Variants in UNKL observed in about 807,000 individuals in gnomAD.
UNKL encodes putative E3 ubiquitin-protein ligase UNKL.
UNKL carries 60 observed loss-of-function variants against 78.0 expected under a neutral mutation model. The ratio of observed to expected loss-of-function variants is 0.77; its 90% confidence interval spans 0.63 to 0.95. The LOEUF is 0.95. Ranked by LOEUF, UNKL falls within the 40% of genes least tolerant of loss-of-function variation. The pLI, the probability that UNKL is intolerant of heterozygous loss-of-function variation, is 0.00. For synonymous variants in UNKL, 608 were observed against 474.8 expected (o/e 1.28, Z -3.65); for missense variants, 1,159 against 1,045.7 (o/e 1.11, Z -1.49).
Position 1,367,735 on chromosome 16 carries a change from A to G in UNKL, c.1709T>C (p.Leu570Pro). The G allele has an allele frequency of 1.9e-6, 3 of 1,578,254 alleles. No individual in the cohort carries two copies. Among genetic ancestry groups the G allele is most frequent in the South Asian group, 1.2e-5 (1 of 85,692 alleles). Reference sequence around the variant, plus strand: ...GTCCAGCTGCCGCCTGACCCGGGCCAGCTCAGCTCCGTTTGGACTTGCACT... The same window carrying G: ...GTCCAGCTGCCGCCTGACCCGGGCCGGCTCAGCTCCGTTTGGACTTGCACT... ...SSSASPNGAE[L>P]ARVRRQLDEA... Residue 570 changes from leucine (L) to proline (P), a missense_variant, in exon 13 of 15, where the codon CTG becomes CCG. Leu to Pro is a moderately conservative substitution (Grantham distance 98). Transcript: ENST00000389221.
chr16:1,398,206 T>C (rs1042244478), intron 5 of UNKL: 3 of 652,128 alleles, frequency 4.6e-6, no homozygotes, highest in Non-Finnish European at 3.8e-6. Flanking sequence ...AAATTACCTA[T>C]GTTCCTACTG....
chr16:1,396,778 A>C (rs2037284441), intron 6 of UNKL, among the ~76,000 whole-genome samples: 1 of 151,858 alleles, frequency 6.6e-6, no homozygotes, highest in Non-Finnish European at 1.5e-5. Context: ...CATTTTTAGT[A>C]GAAACGGGGT....
In UNKL at chr16:1,385,367, C is replaced by A; in HGVS notation, c.1105G>T (p.Ala369Ser). Residue 369 changes from alanine (A) to serine (S), a missense_variant, in exon 10 of 15, where the codon GCA becomes TCA. Coordinates refer to ENST00000389221, the MANE Select transcript of UNKL (RefSeq NM_001372107.1). Reference protein sequence around the residue: ...DSKQNHLAVFAAVHPPAPSVS... With the variant: ...DSKQNHLAVFSAVHPPAPSVS... ...CTGGGGGCCGGCGGGTGGACCGCTG[C>A]AAACACGGCCAGGTGGTTCTGTTCA... is the stretch of plus-strand genomic sequence containing the variant. The A allele has an allele frequency of 1.4e-6, 2 of 1,405,142 alleles. No homozygotes were observed. The highest frequency in any genetic ancestry group is 1.8e-6 in the Non-Finnish European group (2 of 1,082,340). The allele number at this position is 1,405,142 out of a possible 1,614,324, so 87.0% of individuals were successfully genotyped here.
At position 1,414,633 on chromosome 16, in the gene UNKL, T is replaced by C. The variant is rs1475998841; in HGVS notation, c.59A>G (p.Glu20Gly). 1.8e-6 allele frequency: 2 copies of C among 1,116,056 alleles called. No individual in the cohort carries two copies. Among genetic ancestry groups the C allele is most frequent in the Non-Finnish European group, 2.2e-6 (2 of 905,678 alleles). 69.1% of individuals were successfully genotyped at this position (1,116,056 alleles called of 1,614,324 possible). A position where few individuals can be genotyped will look rare whatever the true frequency, so the allele number is the denominator to read the frequency against. ...CGCTGACCTGTAGTGGGTCGGCTTC[T>C]CAGTCTGCGGGGGGGACCCGCTCAG... ...AALSGSPPQTEKPTHYRYLKE... is the reference protein window; with the variant it reads ...AALSGSPPQTGKPTHYRYLKE... The change falls in exon 1 of 15, where the codon GAG becomes GGG. Residue 20 changes from glutamate to glycine, a missense_variant. Physicochemically the swap from Glu to Gly is moderately conservative, Grantham distance 98 (BLOSUM62 -2). Coordinates refer to ENST00000389221, the MANE Select transcript of UNKL (RefSeq NM_001372107.1).
At position 1,399,167 on chromosome 16, in the gene UNKL, G is replaced by T. The variant is rs569023162; in HGVS notation, c.734+207C>A. 1 of 1,110,410 alleles carries T rather than the reference G, an allele frequency of 9.0e-7. No homozygotes were observed. The highest frequency in any genetic ancestry group is 1.6e-5 in the African/African-American group (1 of 63,192). 68.8% of individuals were successfully genotyped at this position (1,110,410 alleles called of 1,614,324 possible). ...GACTGCATGGGAGACACTGAGCGTAGGTGGGGAGGCCCATCCCCAGGACAG... is the reference window on the plus strand; with the variant it reads ...GACTGCATGGGAGACACTGAGCGTATGTGGGGAGGCCCATCCCCAGGACAG... On this transcript the variant is annotated intron_variant, in intron 5 of 14. Coordinates refer to ENST00000389221, the MANE Select transcript of UNKL (RefSeq NM_001372107.1). This position sits in a 1 kb window ranked among gnomAD's most constrained non-coding sequence, Gnocchi z 5.8.
At chr16:1,396,600 C>T (rs573692698) in intron 6 of UNKL, among the ~76,000 whole-genome samples, 141 of 151,680 alleles carry the variant, frequency 9.3e-4, no homozygotes, top group African/African-American at 3.3e-3. Flanking sequence ...TTTTCTTTTT[C>T]TTTTTTTTCC....
At chr16:1,405,845 G>C (rs2037733965) in intron 2 of UNKL, 1 of 436,354 alleles carries the variant, frequency 2.3e-6, no homozygotes, top group Non-Finnish European at 4.7e-6. Flanking sequence ...CGAGACCAGA[G>C]GATAGGAGGC....
rs1596621538 is a variant in UNKL, at chr16:1,364,332, A to G, written c.*1908T>C. 2 of 152,324 alleles carry G rather than the reference A, an allele frequency of 1.3e-5. No individual in the cohort carries two copies. The highest frequency in any genetic ancestry group is 2.9e-5 in the Non-Finnish European group (2 of 68,022). The allele number at this position is 152,324 out of a possible 1,614,324, so 9.4% of individuals were successfully genotyped here. A position where few individuals can be genotyped will look rare whatever the true frequency, so the allele number is the denominator to read the frequency against. On this transcript the variant is annotated 3_prime_UTR_variant, in exon 15 of 15. Transcript: ENST00000389221. Reference sequence around the variant, plus strand: ...TTAAACCACCTACTATATTAAATACATTCTAATTTGGTCACTGATGATAAA... The same window carrying G: ...TTAAACCACCTACTATATTAAATACGTTCTAATTTGGTCACTGATGATAAA...
intron 4 of UNKL, among the ~76,000 whole-genome samples, chr16:1,401,130 T>C (rs2037506333): frequency 6.6e-6 from 1 of 152,196 alleles, no homozygotes; most frequent in African/African-American, 2.4e-5. Flanking sequence ...TGAAAGCTGC[T>C]GTCTAGAGCA....
intron 2 of UNKL, chr16:1,407,398 C>CAAACAGA (rs2037816192): frequency 6.6e-6 from 1 of 151,990 alleles, no homozygotes; most frequent in South Asian, 2.1e-4. Flanking sequence ...CAGGTGACAC[C>CAAACAGA]GCCAAACAGA....
In UNKL at chr16:1,367,644, C is replaced by A. The variant is rs773643932; in HGVS notation, c.1788+12G>T. On this transcript the variant is annotated intron_variant, in intron 13 of 14. Transcript: ENST00000389221. ...CCTCCCCCTCACCTGTCTGGCCCCC[C>A]CACACACTCACCTGCTTCACCTGCT... The A allele has an allele frequency of 5.2e-6, 8 of 1,544,912 alleles. No individual in the cohort carries two copies. In the East Asian group the frequency reaches 1.3e-4, roughly 25 times the overall value.
intron 8 of UNKL, among the ~76,000 whole-genome samples, chr16:1,391,680 ATTTCT>A (rs1379672653): frequency 4.0e-5 from 6 of 150,514 alleles, no homozygotes; most frequent in South Asian, 2.1e-4. Flanking sequence ...CCTGAGTTCC[ATTTCT>A]TTTCTTTTCA....
At position 1,387,765 on chromosome 16, in the gene UNKL, C is replaced by T. The variant is rs558579393; in HGVS notation, c.1087-2380G>A. 2.0e-5 allele frequency among the ~76,000 whole-genome samples: 3 copies of T among 151,918 alleles called. No homozygotes were observed. The highest frequency in any genetic ancestry group is 2.0e-4 in the East Asian group (1 of 5,128). ...CCCTCCGGGGACGTGGACACTGCAC[C>T]GCCGCACGGCTGCCCGGCCTGCGGA... On this transcript the variant is annotated intron_variant, in intron 9 of 14. Transcript: ENST00000389221. This position sits in a 1 kb window ranked among gnomAD's most constrained non-coding sequence, Gnocchi z 4.1.
At chr16:1,400,364 G>C (rs1384011326) in intron 4 of UNKL, among the ~76,000 whole-genome samples, 4 of 132,608 alleles carry the variant, frequency 3.0e-5, no homozygotes, top group African/African-American at 1.1e-4. Context: ...GTTGCAGTGA[G>C]CTGAGATTGT....
At chr16:1,393,048 C>T in intron 7 of UNKL, 72 bp from the exon 8 acceptor site, 1 of 1,463,114 alleles carries the variant, frequency 6.8e-7, no homozygotes, top group Non-Finnish European at 9.4e-7. Flanking sequence ...AGTCTCCGCA[C>T]CACACGTCAG....
chr16:1,367,888 G>A (rs367962006), intron 12 of UNKL, 30 bp from the exon 13 acceptor site: 438 of 1,525,734 alleles, frequency 2.9e-4, no homozygotes, highest in Non-Finnish European at 3.7e-4. Context: ...TGACGGCCCA[G>A]CCCTGCTGTG....
At chr16:1,396,525 C>T (rs983065399) in intron 6 of UNKL, among the ~76,000 whole-genome samples, 2 of 151,812 alleles carry the variant, frequency 1.3e-5, no homozygotes, top group Admixed American at 1.3e-4. Flanking sequence ...ATTTGCCCGC[C>T]TCTGCCTCCC....
intron 14 of UNKL, among the ~76,000 whole-genome samples, 191 bp from the exon 15 acceptor site, chr16:1,366,586 C>G (rs899804801): frequency 1.3e-5 from 2 of 152,186 alleles, no homozygotes; most frequent in Non-Finnish European, 2.9e-5. Context: ...AGGGGGTATG[C>G]TCTGTCTTAA....
Position 1,401,631 on chromosome 16 carries a change from G to T in UNKL, c.535C>A (p.Pro179Thr). ...ATGGCCTGGCTGGCCAAGACCCCAG[G>T]CTGCAGATCCGGGACCCCTTCCCCG... ...GGGEGVPDLQPGVLASQAMIE... is the reference protein window; with the variant it reads ...GGGEGVPDLQTGVLASQAMIE... Residue 179 changes from proline (P) to threonine (T), a missense_variant, in exon 4 of 15, where the codon CCT becomes ACT. Physicochemically the swap from Pro to Thr is conservative, Grantham distance 38. Coordinates refer to ENST00000389221, the MANE Select transcript of UNKL (RefSeq NM_001372107.1). 6.2e-7 allele frequency: 1 copy of T among 1,610,870 alleles called. No individual in the cohort carries two copies. Among genetic ancestry groups the T allele is most frequent in the Non-Finnish European group, 8.5e-7 (1 of 1,178,834 alleles).
Sources: gnomAD v4.1 joint callset for allele counts (sites outside exome capture counted in the v4.1 genomes callset) on GRCh38, gnomAD v4.1.1 for gene constraint, Gnocchi (gnomAD v3.1) non-coding constraint, MANE v1.5 for transcripts, NCBI Gene and HGNC (gene_info 2026-07-23, HGNC 2026-07-21) for gene names.